ADRA1B: variants seen among roughly 807,000 people sequenced by gnomAD.
ADRA1B encodes the protein alpha-1B adrenergic receptor.
Under a neutral mutation model 17.9 loss-of-function variants are expected in ADRA1B, and 17 were observed. The observed-to-expected ratio is 0.95, with a 90% CI of 0.65 to 1.42. ADRA1B has a LOEUF of 1.42. Among genes scored for constraint, ADRA1B ranks in the 40% most tolerant of loss-of-function variants. The pLI, the probability that ADRA1B is intolerant of heterozygous loss-of-function variation, is 0.00. For synonymous variants in ADRA1B, 366 were observed against 327.6 expected (o/e 1.12, Z -1.27); for missense variants, 681 against 722.1 (o/e 0.94, Z 0.65).
chr5:159,927,220 G>A (rs1754681435), intron 1 of ADRA1B, among the ~76,000 whole-genome samples: 1 of 152,092 alleles, frequency 6.6e-6, no homozygotes, highest in African/African-American at 2.4e-5. Flanking sequence ...TCTAGCCATG[G>A]TCACCTGCCT....
chr5:159,950,579 CA>C, intron 1 of ADRA1B: 1 of 1,270,108 alleles, frequency 7.9e-7, no homozygotes, highest in Non-Finnish European at 1.1e-6. Flanking sequence ...ATGAGCTTGA[CA>C]AAATGGTCTT....
intron 1 of ADRA1B, among the ~76,000 whole-genome samples, chr5:159,923,243 G>T (rs1754539811): frequency 6.6e-6 from 1 of 152,290 alleles, no homozygotes; most frequent in Non-Finnish European, 1.5e-5. Flanking sequence ...TATCTTAAGT[G>T]TGTTGGTCAC....
At chr5:159,918,427 G>A (rs541051142) in intron 1 of ADRA1B, among the ~76,000 whole-genome samples, 13 of 152,236 alleles carry the variant, frequency 8.5e-5, no homozygotes, top group African/African-American at 2.9e-4. Flanking sequence ...TTCATTATCC[G>A]TTAATAAGAG....
At chr5:159,967,343 T>C (rs990382738) in intron 1 of ADRA1B, among the ~76,000 whole-genome samples, 2 of 152,202 alleles carry the variant, frequency 1.3e-5, no homozygotes, top group South Asian at 4.1e-4. Context: ...TCTGCTTGTA[T>C]GAATTCTATG....
At chr5:159,890,872 A>AAC (rs1446423577) in intron 1 of ADRA1B, among the ~76,000 whole-genome samples, 1 of 152,234 alleles carries the variant, frequency 6.6e-6, no homozygotes, top group Non-Finnish European at 1.5e-5. Context: ...TTGTAAAACA[A>AAC]ACCTGTGAGA....
chr5:159,897,342 C>T (rs570713662), intron 1 of ADRA1B, among the ~76,000 whole-genome samples: 13 of 152,084 alleles, frequency 8.5e-5, no homozygotes, highest in South Asian at 2.1e-4. Context: ...AAAAATTAGC[C>T]GGGCGTGGTG....
chr5:159,872,649 A>G (rs1361790589), intron 1 of ADRA1B, among the ~76,000 whole-genome samples: 1 of 152,056 alleles, frequency 6.6e-6, no homozygotes, highest in African/African-American at 2.4e-5. Flanking sequence ...TCTCACTACC[A>G]TCATAGAAAT....
chr5:159,930,536 A>G (rs747640960), intron 1 of ADRA1B, among the ~76,000 whole-genome samples: 3 of 152,170 alleles, frequency 2.0e-5, no homozygotes, highest in Non-Finnish European at 4.4e-5. Context: ...CTGAGATCAC[A>G]CCACTGCACT....
chr5:159,877,950 G>A (rs1581017163), intron 1 of ADRA1B, among the ~76,000 whole-genome samples: 1 of 152,208 alleles, frequency 6.6e-6, no homozygotes, highest in African/African-American at 2.4e-5. Context: ...CTTCTCTCCC[G>A]AGCCTTACTT....
rs536383785 is a variant in ADRA1B at position 159,942,749 on chromosome 5, T to C, written c.949+24895T>C. Among the ~76,000 whole-genome samples the C allele has an allele frequency of 1.5e-3, 232 of 152,264 alleles. 2 individuals carry two copies. Among genetic ancestry groups the C allele is most frequent in the African/African-American group, 5.4e-3 (223 of 41,554 alleles). ...TTTTTAAATCCCAAATATTCTATTTTCTATGAGTATGTGTATGGAAATACA... is the reference window on the plus strand; with the variant it reads ...TTTTTAAATCCCAAATATTCTATTTCCTATGAGTATGTGTATGGAAATACA... On this transcript the variant is annotated intron_variant, in intron 1 of 1. Transcript: ENST00000306675.
chr5:159,869,946 T>C (rs1753714123), intron 1 of ADRA1B: 2 of 152,182 alleles, frequency 1.3e-5, no homozygotes, highest in Admixed American at 1.3e-4. Flanking sequence ...TTGCAGCCAA[T>C]GGCAGGCACT....
chr5:159,941,500 T>G (rs567215694), intron 1 of ADRA1B, among the ~76,000 whole-genome samples: 1 of 152,346 alleles, frequency 6.6e-6, no homozygotes, highest in East Asian at 1.9e-4. Flanking sequence ...AAGGGTTGCC[T>G]AATGACCCAG....
chr5:159,889,558 G>C (rs1753960441), intron 1 of ADRA1B, among the ~76,000 whole-genome samples: 1 of 152,138 alleles, frequency 6.6e-6, no homozygotes, highest in African/African-American at 2.4e-5. Context: ...AGGAGCTAGT[G>C]AGATGAAGAA....
chr5:159,937,310 C>T (rs1352121069), intron 1 of ADRA1B, among the ~76,000 whole-genome samples: 1 of 152,214 alleles, frequency 6.6e-6, no homozygotes, highest in Non-Finnish European at 1.5e-5. Context: ...CTATTATCTC[C>T]TTTCCCGATG....
intron 1 of ADRA1B, among the ~76,000 whole-genome samples, chr5:159,930,046 T>C (rs567842335): frequency 7.7e-4 from 118 of 152,372 alleles, no homozygotes; most frequent in African/African-American, 2.7e-3. Context: ...TAGTTCTGTG[T>C]CAGAATGCAT....
intron 1 of ADRA1B, chr5:159,888,351 C>G (rs1233135474): frequency 6.6e-6 from 1 of 152,002 alleles, no homozygotes; most frequent in Non-Finnish European, 1.5e-5. Context: ...AATGCCTGAA[C>G]AAATTTTTGA....
chr5:159,964,941 T>C (rs996049076), intron 1 of ADRA1B, among the ~76,000 whole-genome samples: 11 of 152,124 alleles, frequency 7.2e-5, no homozygotes, highest in Admixed American at 7.2e-4. Context: ...GCTCACCTCA[T>C]CCGTACAGAA....
At chr5:159,939,276 AGAGT>A (rs1268284802) in intron 1 of ADRA1B, among the ~76,000 whole-genome samples, 841 of 71,452 alleles carry the variant, frequency 0.012, 2 homozygotes, top group Non-Finnish European at 0.018. Flanking sequence ...AGAGAGAGAG[AGAGT>A]GTGTGTGTGT....
chr5:159,899,271 G>GAAGGAAGA (rs1754071889), intron 1 of ADRA1B, among the ~76,000 whole-genome samples: 3 of 116,044 alleles, frequency 2.6e-5, no homozygotes, highest in Non-Finnish European at 3.8e-5. Flanking sequence ...AGAAAGGAAG[G>GAAGGAAGA]AAGGAAGGAA....
Sources: allele counts gnomAD v4.1 joint callset (sites outside exome capture counted in the v4.1 genomes callset), GRCh38; gene constraint gnomAD v4.1.1; transcripts MANE v1.5; gene names NCBI Gene and HGNC (gene_info 2026-07-23, HGNC 2026-07-21).